The following CDH23 variants were observed in gnomAD, a reference collection of about 807,000 sequenced individuals.
The protein encoded by CDH23 is cadherin-23.
Under a neutral mutation model 317.1 loss-of-function variants are expected in CDH23, and 189 were observed. That is an observed-to-expected ratio of 0.60 (90% CI 0.53 to 0.67). The LOEUF (loss-of-function observed/expected upper bound fraction) is 0.67. Ranked by LOEUF, CDH23 falls within the 30% of genes least tolerant of loss-of-function variation. The probability of loss-of-function intolerance (pLI) is 0.00; values close to 1 mark genes in which losing one functional copy is unlikely to be tolerated. For missense variants in CDH23, 4,401 were observed against 4,592.4 expected (o/e 0.96, Z 1.20); for synonymous variants, 1,839 against 1,876.8 (o/e 0.98, Z 0.52).
chr10:71,719,034 T>C (rs758670493), intron 28 of CDH23, among the ~76,000 whole-genome samples: 1 of 151,916 alleles, frequency 6.6e-6, no homozygotes, highest in Non-Finnish European at 1.5e-5. Flanking sequence ...GCTAGAATCA[T>C]GCCACTGCGC....
intron 6 of CDH23, among the ~76,000 whole-genome samples, chr10:71,547,170 G>T (rs576015727): frequency 6.6e-6 from 1 of 152,210 alleles, no homozygotes; most frequent in African/African-American, 2.4e-5. Flanking sequence ...TGGGATTGGA[G>T]ACCCAGAGAA....
At chr10:71,725,312 A>G in intron 29 of CDH23, 60 bp from the exon 30 acceptor site, 7 of 1,610,734 alleles carry the variant, frequency 4.3e-6, no homozygotes, top group Non-Finnish European at 5.9e-6. Context: ...ATGGCAGGCC[A>G]GCACAGCAGG....
In CDH23 at chr10:71,785,727, A is replaced by G. The variant is rs1352012133; in HGVS notation, c.5809A>G (p.Ile1937Val). Residue 1937 changes from isoleucine to valine, a missense_variant, in exon 44 of 70, where the codon ATA becomes GTA. Physicochemically the swap from Ile to Val is conservative, Grantham distance 29. Transcript: ENST00000224721. ...SVKDNPENPR[I>V]ARRDYDLLLI... ...GAAGGACAACCCGGAGAATCCACGC[A>G]TAGCCAGGAGGGTGAGACTGGAGGG... 2.5e-6 allele frequency: 4 copies of G among 1,601,486 alleles called. No homozygotes were observed. The highest frequency in any genetic ancestry group is 8.5e-7 in the Non-Finnish European group (1 of 1,172,822).
In CDH23 at chr10:71,698,897, A is replaced by G. The variant is rs1220771518; in HGVS notation, c.2398-3125A>G. 2.0e-5 allele frequency among the ~76,000 whole-genome samples: 3 copies of G among 152,260 alleles called. No individual in the cohort carries two copies. In the East Asian group the frequency reaches 5.8e-4, roughly 29 times the overall value. On this transcript the variant is annotated intron_variant, in intron 22 of 69. Transcript: ENST00000224721. ...CCCAAGTTCTCACTCTAGCTACACC[A>G]CTTACCAGCTGTGTGACCTTGGGCA...
At chr10:71,622,516 G>C (rs957845994) in intron 11 of CDH23, among the ~76,000 whole-genome samples, 1 of 152,158 alleles carries the variant, frequency 6.6e-6, no homozygotes, top group Non-Finnish European at 1.5e-5. Flanking sequence ...AGAAGGGGGC[G>C]GGGGACGGAG....
intron 14 of CDH23, among the ~76,000 whole-genome samples, chr10:71,652,685 A>C (rs934459802): frequency 1.3e-5 from 2 of 152,202 alleles, no homozygotes; most frequent in African/African-American, 4.8e-5. Flanking sequence ...AAGACACAGC[A>C]CAGAGGCTGG....
At chr10:71,451,011 C>T (rs1483956238) in intron 3 of CDH23, among the ~76,000 whole-genome samples, 1 of 152,182 alleles carries the variant, frequency 6.6e-6, no homozygotes, top group Non-Finnish European at 1.5e-5. Context: ...CAGATTCCTG[C>T]CTCACCGGCA....
At chr10:71,814,645 T>TAC (rs921742881) in intron 69 of CDH23, among the ~76,000 whole-genome samples, 33 of 144,066 alleles carry the variant, frequency 2.3e-4, no homozygotes, top group Middle Eastern at 3.7e-3. Flanking sequence ...TACACACACA[T>TAC]ACACACACAC....
intron 9 of CDH23, among the ~76,000 whole-genome samples, chr10:71,589,317 A>G (rs1233688463): frequency 6.6e-6 from 1 of 152,078 alleles, no homozygotes; most frequent in African/African-American, 2.4e-5. Context: ...ACAGGGTTTC[A>G]CCATATTGGC....
chr10:71,424,026 C>G (rs980319438), intron 1 of CDH23, among the ~76,000 whole-genome samples: 2 of 152,250 alleles, frequency 1.3e-5, no homozygotes, highest in Admixed American at 1.3e-4. Flanking sequence ...GAGGTGGGGA[C>G]TGGGAAGAGG....
chr10:71,724,186 G>C, intron 29 of CDH23, 81 bp downstream of exon 29: 1 of 1,469,532 alleles, frequency 6.8e-7, no homozygotes, highest in Non-Finnish European at 9.3e-7. Flanking sequence ...CAAAGGTCTG[G>C]GAGATGAGGC....
rs1488000342 is a variant in CDH23 at position 71,813,240 on chromosome 10, C to G, written c.9634-4C>G. The G allele has an allele frequency of 6.4e-7, 1 of 1,551,510 alleles. No homozygotes were observed. Among genetic ancestry groups the G allele is most frequent in the Non-Finnish European group, 8.7e-7 (1 of 1,146,936 alleles). On this transcript the variant is annotated splice_polypyrimidine_tract_variant and splice_region_variant and intron_variant, in intron 68 of 69. Coordinates refer to ENST00000224721, the MANE Select transcript of CDH23 (RefSeq NM_022124.6). ...GGTGGGGGTTAACCCTTTCCCTCCC[C>G]CAGGGCTCGCTGCTGAAGGTGGTCC...
At chr10:71,803,159 G>C in intron 54 of CDH23, 50 bp from the exon 55 acceptor site, 1 of 1,605,446 alleles carries the variant, frequency 6.2e-7, no homozygotes, top group Non-Finnish European at 8.5e-7. Context: ...GTAGAGGGAA[G>C]CGTGGGAAGG....
rs373300630 is a variant in CDH23 at position 71,732,047 on chromosome 10, A to T, written c.3776A>T (p.Asp1259Val). The change falls in exon 32 of 70, where the codon GAC (aspartate) becomes GTC (valine). Residue 1259 changes from aspartate (D) to valine (V), a missense_variant. Coordinates refer to ENST00000224721, the MANE Select transcript of CDH23 (RefSeq NM_022124.6). Reference sequence around the variant, plus strand: ...GGCGCAGAGGGGAAGTTTGAGATTGACGAGAGCACAGGGCTTATCATCACC... The same window carrying T: ...GGCGCAGAGGGGAAGTTTGAGATTGTCGAGAGCACAGGGCTTATCATCACC... ...LSGAEGKFEI[D>V]ESTGLIITVN... 6.2e-7 allele frequency: 1 copy of T among 1,614,012 alleles called. No homozygotes were observed. Among genetic ancestry groups the T allele is most frequent in the Admixed American group, 1.7e-5 (1 of 60,032 alleles).
intron 9 of CDH23, among the ~76,000 whole-genome samples, chr10:71,594,339 TTC>T (rs1004455575): frequency 2.6e-5 from 4 of 151,180 alleles, no homozygotes; most frequent in Non-Finnish European, 3.0e-5. Flanking sequence ...GTTTCTTTCT[TTC>T]TCTCTCTCTC....
chr10:71,769,800 A>T lies in CDH23; in HGVS notation c.4846-7880A>T, dbSNP rs184080986. Among the ~76,000 whole-genome samples the T allele has an allele frequency of 1.1e-3, 168 of 152,320 alleles. No homozygotes were observed. In the South Asian group the frequency reaches 0.017, roughly 16 times the overall value. On this transcript the variant is annotated intron_variant, in intron 38 of 69. Coordinates refer to ENST00000224721, the MANE Select transcript of CDH23 (RefSeq NM_022124.6). ...AGTAGCAGAGCAACCTCATTATTGG[A>T]TTACTGATGAGAAAGATGGTGGCCA...
At chr10:71,738,832 C>T (rs1327446629) in intron 35 of CDH23, among the ~76,000 whole-genome samples, 185 bp downstream of exon 35, 3 of 152,244 alleles carry the variant, frequency 2.0e-5, no homozygotes, top group African/African-American at 7.2e-5. Flanking sequence ...CTATGCAGGC[C>T]GGTGGCCCTG....
intron 9 of CDH23, among the ~76,000 whole-genome samples, chr10:71,593,431 C>T (rs893142107): frequency 1.5e-4 from 23 of 152,150 alleles, no homozygotes; most frequent in African/African-American, 5.1e-4. Context: ...AAGGACTTCT[C>T]GGCACCCCCG....
intron 6 of CDH23, among the ~76,000 whole-genome samples, chr10:71,529,432 T>C (rs1469844812): frequency 2.6e-5 from 4 of 152,150 alleles, no homozygotes; most frequent in African/African-American, 9.7e-5. Flanking sequence ...TGCTCACTGC[T>C]CAGGAAGCTG....
Sources: allele counts gnomAD v4.1 joint callset (sites outside exome capture counted in the v4.1 genomes callset), GRCh38; gene constraint gnomAD v4.1.1; transcripts MANE v1.5; gene names NCBI Gene and HGNC (gene_info 2026-07-23, HGNC 2026-07-21).